DDHD1: variants seen among roughly 807,000 people sequenced by gnomAD.
The protein encoded by DDHD1 is DDHD domain containing 1.
DDHD1 carries 49 observed loss-of-function variants against 96.4 expected under a neutral mutation model. The observed-to-expected ratio is 0.51, with a 90% CI of 0.40 to 0.64. DDHD1 has a LOEUF of 0.64. Ranked by LOEUF, DDHD1 falls within the 30% of genes least tolerant of loss-of-function variation. The pLI, the probability that DDHD1 is intolerant of heterozygous loss-of-function variation, is 0.00. For synonymous variants in DDHD1, 442 were observed against 446.5 expected (o/e 0.99, Z 0.13); for missense variants, 1,106 against 1,161.2 (o/e 0.95, Z 0.69).
chr14:53,122,585 T>TTG (rs1370162201), intron 1 of DDHD1, among the ~76,000 whole-genome samples: 4 of 151,192 alleles, frequency 2.6e-5, no homozygotes, highest in Admixed American at 6.6e-5. Context: ...GCTAATAGTT[T>TTG]TTTTTTTTTT....
chr14:53,074,734 C>T lies in DDHD1; in HGVS notation c.1290-887G>A, dbSNP rs568662181. Among the ~76,000 whole-genome samples, 9 of 152,160 alleles carry T rather than the reference C, an allele frequency of 5.9e-5. No homozygotes were observed. In the South Asian group the frequency reaches 1.5e-3, roughly 25 times the overall value. On this transcript the variant is annotated intron_variant, in intron 4 of 12. Transcript: ENST00000673822. ...TCTCTATTTGCCTTGTAAAGGCATA[C>T]CCTGTTTTACTGCATTCATTTTTTA...
chr14:53,118,686 T>G (rs1007743383), intron 1 of DDHD1, among the ~76,000 whole-genome samples: 1 of 152,218 alleles, frequency 6.6e-6, no homozygotes, highest in Non-Finnish European at 1.5e-5. Flanking sequence ...CTATGTTTGA[T>G]TGGTGTACCA....
intron 1 of DDHD1, among the ~76,000 whole-genome samples, chr14:53,148,313 ATTC>A (rs895653606): frequency 6.6e-6 from 1 of 151,018 alleles, no homozygotes; most frequent in Non-Finnish European, 1.5e-5. Flanking sequence ...GAATTGAATT[ATTC>A]TTTTTTTTTT....
rs995156256 is a variant in DDHD1 at position 53,064,554 on chromosome 14, TA to T, written c.1504-1350del. On this transcript the variant is annotated intron_variant, in intron 6 of 12. Transcript: ENST00000673822. ...CATTAGTTTGGCAATCATATATGGG[TA>T]AAAAAACAAGATCAAATTATCTAAG... 2.6e-5 allele frequency among the ~76,000 whole-genome samples: 4 copies of T among 152,030 alleles called. 1 individual carries two copies. The highest frequency in any genetic ancestry group is 5.9e-5 in the Non-Finnish European group (4 of 67,938).
intron 10 of DDHD1, among the ~76,000 whole-genome samples, chr14:53,055,387 G>T (rs776995903): frequency 6.6e-6 from 1 of 152,176 alleles, no homozygotes; most frequent in Non-Finnish European, 1.5e-5. Flanking sequence ...ACAGCAAGTG[G>T]TAGGACCAAG....
At chr14:53,099,888 T>A (rs2139706892) in intron 2 of DDHD1, among the ~76,000 whole-genome samples, 2 of 152,288 alleles carry the variant, frequency 1.3e-5, no homozygotes, top group African/African-American at 4.8e-5. Flanking sequence ...TTGTGGGTTA[T>A]CTTTATTTGT....
chr14:53,087,839 C>CA (rs1223464779), intron 4 of DDHD1, among the ~76,000 whole-genome samples: 1 of 151,956 alleles, frequency 6.6e-6, no homozygotes, highest in African/African-American at 2.4e-5. Context: ...AATAGCGACA[C>CA]AAAAAACCCT....
chr14:53,088,709 A>T (rs1174109868), intron 4 of DDHD1, among the ~76,000 whole-genome samples: 1 of 152,230 alleles, frequency 6.6e-6, no homozygotes, highest in Non-Finnish European at 1.5e-5. Flanking sequence ...ACCACAGCCA[A>T]TATCATACTG....
At chr14:53,066,336 G>C (rs1429270684) in intron 6 of DDHD1, among the ~76,000 whole-genome samples, 1 of 152,050 alleles carries the variant, frequency 6.6e-6, no homozygotes, top group African/African-American at 2.4e-5. Flanking sequence ...ATTTTTAGTA[G>C]AGACGGGGTT....
At chr14:53,098,436 C>T (rs1426648601) in intron 2 of DDHD1, among the ~76,000 whole-genome samples, 1 of 151,846 alleles carries the variant, frequency 6.6e-6, no homozygotes, top group Non-Finnish European at 1.5e-5. Flanking sequence ...ATTCCTACAA[C>T]AGAAAAACTA....
At chr14:53,047,409 T>A (rs1347848468) in intron 12 of DDHD1, among the ~76,000 whole-genome samples, 2 of 152,146 alleles carry the variant, frequency 1.3e-5, no homozygotes, top group African/African-American at 2.4e-5. Context: ...ATCCACTAGT[T>A]GTGTGAGGGA....
chr14:53,138,608 A>C (rs1363289020), intron 1 of DDHD1, among the ~76,000 whole-genome samples: 2 of 152,214 alleles, frequency 1.3e-5, no homozygotes, highest in Non-Finnish European at 2.9e-5. Flanking sequence ...TGAACCCTTC[A>C]GAGAGCTGAG....
intron 4 of DDHD1, among the ~76,000 whole-genome samples, chr14:53,091,531 T>C (rs1886426319): frequency 6.6e-6 from 1 of 152,200 alleles, no homozygotes; most frequent in Non-Finnish European, 1.5e-5. Context: ...TAACTTAATG[T>C]ATTAGATTAA....
chr14:53,127,728 A>T lies in DDHD1; in HGVS notation c.839-23872T>A, dbSNP rs143254738. On this transcript the variant is annotated intron_variant, in intron 1 of 12. Coordinates refer to ENST00000673822, the MANE Select transcript of DDHD1 (RefSeq NM_001160148.2). ...ACTAAGACCTGAAGGTAAGATCGCT[A>T]CAGACACACAATGACTGGCAAGCTA... is the stretch of plus-strand genomic sequence containing the variant. Among the ~76,000 whole-genome samples, 147 of 152,366 alleles carry T rather than the reference A, an allele frequency of 9.6e-4. No individual in the cohort carries two copies. The Middle Eastern group carries it at 0.014, about 14-fold the overall frequency.
At chr14:53,105,575 ATT>A (rs1887628504) in intron 1 of DDHD1, among the ~76,000 whole-genome samples, 1 of 152,084 alleles carries the variant, frequency 6.6e-6, no homozygotes, top group South Asian at 2.1e-4. Context: ...TTTTGCCTGG[ATT>A]CTACTTTGTT....
At chr14:53,047,188 A>G (rs930277946) in intron 12 of DDHD1, among the ~76,000 whole-genome samples, 11 of 151,536 alleles carry the variant, frequency 7.3e-5, no homozygotes, top group Non-Finnish European at 1.6e-4. Context: ...ATAATAAAGG[A>G]AGACAAAAAA....
chr14:53,123,115 G>GTTATTATTATTATTA (rs139846735), intron 1 of DDHD1, among the ~76,000 whole-genome samples: 20 of 138,456 alleles, frequency 1.4e-4, no homozygotes, highest in African/African-American at 4.8e-4. Flanking sequence ...GATAATTGCT[G>GTTATTATTATTATTA]TTATTATTAT....
At chr14:53,103,975 C>T in intron 1 of DDHD1, 119 bp from the exon 2 acceptor site, 1 of 763,200 alleles carries the variant, frequency 1.3e-6, no homozygotes, top group Non-Finnish European at 2.0e-6. Flanking sequence ...TTTCATGACC[C>T]AATACAATCA....
At chr14:53,145,132 G>A (rs375815365) in intron 1 of DDHD1, among the ~76,000 whole-genome samples, 7 of 151,980 alleles carry the variant, frequency 4.6e-5, no homozygotes, top group African/African-American at 7.3e-5. Context: ...CCTGGACAAC[G>A]GAGGGAGACT....
Sources: gnomAD v4.1 joint callset for allele counts (sites outside exome capture counted in the v4.1 genomes callset) on GRCh38, gnomAD v4.1.1 for gene constraint, MANE v1.5 for transcripts, NCBI Gene and HGNC (gene_info 2026-07-23, HGNC 2026-07-21) for gene names.